Variants in GLG1 observed in about 807,000 individuals in gnomAD.
GLG1 encodes golgi glycoprotein 1, also known as Golgi apparatus protein 1.
In GLG1, 38 loss-of-function variants were observed where a neutral mutation model predicts 160.5. The observed-to-expected ratio is 0.24, with a 90% CI of 0.18 to 0.31. The LOEUF (loss-of-function observed/expected upper bound fraction) is 0.31, where lower values mean the gene tolerates loss of function less well. Among genes scored for constraint, GLG1 ranks in the 10% least tolerant of loss-of-function variants. The probability of loss-of-function intolerance (pLI) is 1.00; values close to 1 mark genes in which losing one functional copy is unlikely to be tolerated. For missense variants in GLG1, 1,373 were observed against 1,505.2 expected, an observed-to-expected ratio of 0.91 and a Z score of 1.45; for synonymous variants, 644 against 543.4, an observed-to-expected ratio of 1.19 and a Z score of -2.57.
rs1358092922 is a variant in GLG1 at position 74,526,260 on chromosome 16, A to G, written c.471+5861T>C. On this transcript the variant is annotated intron_variant, in intron 2 of 25. Coordinates refer to ENST00000422840, the MANE Select transcript of GLG1 (RefSeq NM_001145667.2). ...GGTAAAGGCAGGGTATGAGGGAATC[A>G]TTCTCTGGAAAGTAATGTAAAATCA... is the stretch of plus-strand genomic sequence containing the variant. Among the ~76,000 whole-genome samples, 6 of 148,452 alleles carry G rather than the reference A, an allele frequency of 4.0e-5. No individual in the cohort carries two copies. In the East Asian group the frequency reaches 9.9e-4, roughly 24 times the overall value.
At chr16:74,492,829 A>AG (rs2016050436) in intron 7 of GLG1, 128 bp downstream of exon 7, 5 of 516,062 alleles carry the variant, frequency 9.7e-6, no homozygotes, top group Non-Finnish European at 1.2e-5. Context: ...TCAAGAAAAA[A>AG]AAAAAAAAAA....
At chr16:74,551,714 T>C (rs1213306802) in intron 1 of GLG1, among the ~76,000 whole-genome samples, 1 of 151,762 alleles carries the variant, frequency 6.6e-6, no homozygotes, top group Non-Finnish European at 1.5e-5. Flanking sequence ...GGGACCTGCC[T>C]TTAGGTGTCA....
At chr16:74,491,841 G>A (rs920395059) in intron 7 of GLG1, among the ~76,000 whole-genome samples, 11 of 150,948 alleles carry the variant, frequency 7.3e-5, no homozygotes, top group Admixed American at 4.0e-4. Flanking sequence ...GGGTTTCACC[G>A]TGGTCTCGAT....
At chr16:74,527,462 C>T (rs1397178127) in intron 2 of GLG1, among the ~76,000 whole-genome samples, 5 of 151,958 alleles carry the variant, frequency 3.3e-5, no homozygotes, top group Non-Finnish European at 7.4e-5. Context: ...GTTGGCCAGG[C>T]TGGTCTCGAA....
intron 4 of GLG1, among the ~76,000 whole-genome samples, chr16:74,502,410 T>C (rs140761842): frequency 2.7e-4 from 41 of 152,372 alleles, no homozygotes; most frequent in African/African-American, 8.4e-4. Context: ...CTAAAATCAG[T>C]TCTTCTGAGA....
intron 4 of GLG1, among the ~76,000 whole-genome samples, chr16:74,499,405 T>A (rs2016327094): frequency 6.6e-6 from 1 of 152,158 alleles, no homozygotes; most frequent in South Asian, 2.1e-4. Flanking sequence ...CACCCTCAGC[T>A]ATGGAACACT....
At chr16:74,463,543 A>T in intron 19 of GLG1, 64 bp from the exon 20 acceptor site, 6 of 1,533,206 alleles carry the variant, frequency 3.9e-6, no homozygotes, top group South Asian at 2.4e-5. Context: ...ATCTGCGACC[A>T]CTTTTTTTTT....
intron 5 of GLG1, 22 bp downstream of exon 5, chr16:74,496,419 A>C (rs1767490636): frequency 2.0e-6 from 3 of 1,495,430 alleles, no homozygotes; most frequent in Non-Finnish European, 2.8e-6. Flanking sequence ...GGAAGAAAAG[A>C]ACAGTTTCTG....
intron 1 of GLG1, among the ~76,000 whole-genome samples, chr16:74,605,240 G>A (rs1958539052): frequency 6.6e-6 from 1 of 150,576 alleles, no homozygotes; most frequent in Non-Finnish European, 1.5e-5. Flanking sequence ...TCCTCCTCTG[G>A]AGCATAAAAC....
intron 1 of GLG1, among the ~76,000 whole-genome samples, chr16:74,588,884 T>C (rs1038796384): frequency 2.6e-5 from 4 of 151,938 alleles, no homozygotes; most frequent in African/African-American, 7.2e-5. Context: ...GCAACTTGAC[T>C]AAGAATAATC....
At chr16:74,543,158 T>C (rs1324825966) in intron 1 of GLG1, among the ~76,000 whole-genome samples, 1 of 151,998 alleles carries the variant, frequency 6.6e-6, no homozygotes, top group Non-Finnish European at 1.5e-5. Context: ...CCAGTGCAAA[T>C]TACTGGTGCT....
At chr16:74,583,056 A>G (rs1446086554) in intron 1 of GLG1, among the ~76,000 whole-genome samples, 1 of 152,016 alleles carries the variant, frequency 6.6e-6, no homozygotes, top group Non-Finnish European at 1.5e-5. Context: ...AAACTCCTGT[A>G]AATCTTCTTG....
At chr16:74,456,866 C>G in intron 24 of GLG1, 111 bp from the exon 25 acceptor site, 1 of 725,424 alleles carries the variant, frequency 1.4e-6, no homozygotes, top group Non-Finnish European at 2.4e-6. Context: ...GATCTGCAGG[C>G]TCAACAAAGT....
intron 4 of GLG1, among the ~76,000 whole-genome samples, chr16:74,502,860 G>C (rs1486026410): frequency 6.7e-6 from 1 of 148,266 alleles, no homozygotes; most frequent in East Asian, 2.1e-4. Flanking sequence ...ATGAGCCACC[G>C]CGCCCGGCCA....
intron 2 of GLG1, among the ~76,000 whole-genome samples, chr16:74,512,024 G>A (rs1353699646): frequency 6.6e-6 from 1 of 151,840 alleles, no homozygotes; most frequent in East Asian, 1.9e-4. Flanking sequence ...TTATTCACAA[G>A]GATGGGCAAC....
At chr16:74,526,640 C>T (rs560910069) in intron 2 of GLG1, among the ~76,000 whole-genome samples, 9 of 152,322 alleles carry the variant, frequency 5.9e-5, no homozygotes, top group African/African-American at 2.2e-4. Flanking sequence ...GGGAGGATCA[C>T]TTGAGCCTGG....
intron 14 of GLG1, 134 bp from the exon 15 acceptor site, chr16:74,471,420 A>G: frequency 1.6e-6 from 1 of 641,686 alleles, no homozygotes; most frequent in South Asian, 1.9e-5. Flanking sequence ...ATAAATTGTA[A>G]TCAAAATAAG....
At chr16:74,509,163 A>ATTTTTTT (rs11295055) in intron 2 of GLG1, among the ~76,000 whole-genome samples, 1 of 89,612 alleles carries the variant, frequency 1.1e-5, no homozygotes. Context: ...CTAAAGGACA[A>ATTTTTTT]TTTTTTTTTT....
chr16:74,472,464 A>G, intron 13 of GLG1, 53 bp from the exon 14 acceptor site: 2 of 1,409,350 alleles, frequency 1.4e-6, no homozygotes, highest in Non-Finnish European at 2.0e-6. Flanking sequence ...GCCAGGGTGG[A>G]GGAGGAGCAG....
Sources: allele counts gnomAD v4.1 joint callset (sites outside exome capture counted in the v4.1 genomes callset), GRCh38; gene constraint gnomAD v4.1.1; transcripts MANE v1.5; gene names NCBI Gene and HGNC (gene_info 2026-07-23, HGNC 2026-07-21).